CUX2: variants seen among roughly 807,000 people sequenced by gnomAD.
CUX2 encodes the protein cut like homeobox 2.
Under a neutral mutation model 144.8 loss-of-function variants are expected in CUX2, and 40 were observed. The observed-to-expected ratio is 0.28, with a 90% CI of 0.21 to 0.36. The LOEUF (loss-of-function observed/expected upper bound fraction) is 0.36, where lower values mean the gene tolerates loss of function less well. Among genes scored for constraint, CUX2 ranks in the 10% least tolerant of loss-of-function variants. The pLI is 1.00. For synonymous variants in CUX2, 827 were observed against 875.6 expected, an observed-to-expected ratio of 0.94 and a Z score of 0.98; for missense variants, 1,615 against 1,994.0, an observed-to-expected ratio of 0.81 and a Z score of 3.62.
In CUX2 at chr12:111,320,084, C is replaced by T; in HGVS notation, c.2075C>T (p.Ala692Val). The change falls in exon 17 of 22, where the codon GCC becomes GTC. Residue 692 changes from alanine (A) to valine (V), a missense_variant. Ala to Val is a moderately conservative substitution (Grantham distance 64). Coordinates refer to ENST00000261726, the MANE Select transcript of CUX2 (RefSeq NM_015267.4). This position sits in a 1 kb window ranked among gnomAD's most constrained non-coding sequence, Gnocchi z 8.1. ...GTTPASTSED[A>V]IKSILEQARR... The stretch of plus-strand genomic sequence containing the variant: ...ACCCCCGCCAGCACCTCGGAGGACG[C>T]CATCAAGAGCATCCTGGAGCAGGCA... The T allele has an allele frequency of 6.4e-7, 1 of 1,556,472 alleles. No individual in the cohort carries two copies. Among genetic ancestry groups the T allele is most frequent in the Non-Finnish European group, 8.7e-7 (1 of 1,154,608 alleles).
In CUX2 at chr12:111,160,171, A is replaced by G. The variant is rs767994830; in HGVS notation, c.64-54029A>G. Reference sequence around the variant, plus strand: ...AAGAATGTCTCCTGGGACAGGCAGCATAGGACGGGGCTAGGGGGACATTTG... The same window carrying G: ...AAGAATGTCTCCTGGGACAGGCAGCGTAGGACGGGGCTAGGGGGACATTTG... On this transcript the variant is annotated intron_variant, in intron 1 of 21. Transcript: ENST00000261726. The surrounding 1 kb of genome is among the most constrained non-coding windows in gnomAD (Gnocchi z 4.1). Among the ~76,000 whole-genome samples the G allele has an allele frequency of 2.6e-5, 4 of 152,248 alleles. No individual in the cohort carries two copies. Among genetic ancestry groups the G allele is most frequent in the African/African-American group, 4.8e-5 (2 of 41,470 alleles).
intron 3 of CUX2, 138 bp downstream of exon 3, chr12:111,218,075 G>A (rs2136229385): frequency 1.2e-6 from 1 of 800,218 alleles, no homozygotes. Context: ...CAAACTCTGT[G>A]CCCTTCCCTC....
Position 111,310,056 on chromosome 12 carries a change from A to T in CUX2, c.1274A>T (p.Glu425Val), listed in dbSNP as rs1314228651. 4 of 1,354,328 alleles carry T rather than the reference A, an allele frequency of 3.0e-6. No homozygotes were observed. The highest frequency in any genetic ancestry group is 3.8e-6 in the Non-Finnish European group (4 of 1,053,772). The allele number at this position is 1,354,328 out of a possible 1,614,324, so 83.9% of individuals were successfully genotyped here. The change falls in exon 15 of 22, where the codon GAG (glutamate) becomes GTG (valine). Residue 425 changes from glutamate (E) to valine (V), a missense_variant. By Grantham distance (121) the Glu-to-Val change is moderately radical. Coordinates refer to ENST00000261726, the MANE Select transcript of CUX2 (RefSeq NM_015267.4). This position sits in a 1 kb window ranked among gnomAD's most constrained non-coding sequence, Gnocchi z 7.9. ...GGTGTTCTAGAGGAAGACCCATCAGAGGACGATTCCATCAAGGATTCACTG... is the reference window on the plus strand; with the variant it reads ...GGTGTTCTAGAGGAAGACCCATCAGTGGACGATTCCATCAAGGATTCACTG... ...LLASPEEDPS[E>V]DDSIKDSLGT...
intron 1 of CUX2, among the ~76,000 whole-genome samples, chr12:111,213,659 T>C (rs1180437547): frequency 6.6e-6 from 1 of 152,224 alleles, no homozygotes; most frequent in Non-Finnish European, 1.5e-5. Flanking sequence ...CAAAATCTAC[T>C]GAAATTAAAA....
At chr12:111,308,387 G>A (rs754306272) in intron 13 of CUX2, 40 bp from the exon 14 acceptor site, 89 of 1,613,684 alleles carry the variant, frequency 5.5e-5, no homozygotes, top group African/African-American at 8.0e-5. Context: ...TGAGCCTTCC[G>A]CCCACCAGGT....
chr12:111,291,339 C>G, intron 4 of CUX2, 79 bp from the exon 5 acceptor site: 1 of 1,486,812 alleles, frequency 6.7e-7, no homozygotes, highest in Non-Finnish European at 9.0e-7. Context: ...CCTGTGGAAC[C>G]TGCCAGGCCC....
At chr12:111,318,073 G>GTTA (rs1181366122) in intron 16 of CUX2, among the ~76,000 whole-genome samples, 2 of 151,538 alleles carry the variant, frequency 1.3e-5, no homozygotes, top group African/African-American at 4.8e-5. Flanking sequence ...TGTTGTTGTT[G>GTTA]TTATTGTTGT....
chr12:111,124,766 T>C (rs769159632), intron 1 of CUX2, among the ~76,000 whole-genome samples: 2 of 152,184 alleles, frequency 1.3e-5, no homozygotes, highest in Non-Finnish European at 2.9e-5. Flanking sequence ...TACCCAACAG[T>C]TGGTTTTTTG....
intron 4 of CUX2, among the ~76,000 whole-genome samples, 162 bp from the exon 5 acceptor site, chr12:111,291,256 G>A (rs1050506258): frequency 6.6e-6 from 1 of 152,120 alleles, no homozygotes; most frequent in Non-Finnish European, 1.5e-5. Flanking sequence ...CAAGTGCCTG[G>A]ACAAGCCTGC....
At chr12:111,330,275 A>G (rs1888028546) in intron 18 of CUX2, among the ~76,000 whole-genome samples, 2 of 152,050 alleles carry the variant, frequency 1.3e-5, no homozygotes, top group Admixed American at 6.5e-5. Context: ...CTCCATAGGC[A>G]TCTGCCCAGA....
chr12:111,161,882 G>A (rs1877792825), intron 1 of CUX2, among the ~76,000 whole-genome samples: 1 of 152,142 alleles, frequency 6.6e-6, no homozygotes, highest in South Asian at 2.1e-4. Flanking sequence ...CTACAGGCAT[G>A]CGCAAACATA....
At chr12:111,267,531 G>C (rs566390541) in intron 4 of CUX2, among the ~76,000 whole-genome samples, 179 of 152,280 alleles carry the variant, frequency 1.2e-3, no homozygotes, top group African/African-American at 3.8e-3. Context: ...ACTCTGCTCC[G>C]TGTGACAAGC....
rs772567091 is a variant in CUX2 at position 111,341,837 on chromosome 12, C to T, written c.3443C>T (p.Ala1148Val). 15 of 1,613,244 alleles carry T rather than the reference C, an allele frequency of 9.3e-6. No individual in the cohort carries two copies. The highest frequency in any genetic ancestry group is 3.3e-4 in the Middle Eastern group (2 of 6,060). ...ISTGSDSESPATRSECPSPCL... is the reference protein window; with the variant it reads ...ISTGSDSESPVTRSECPSPCL... Reference sequence around the variant, plus strand: ...ACCGGCTCAGACAGTGAGTCCCCGGCCACCCGCTCAGAGTGCCCCAGCCCC... The same window carrying T: ...ACCGGCTCAGACAGTGAGTCCCCGGTCACCCGCTCAGAGTGCCCCAGCCCC... The change falls in exon 21 of 22, where the codon GCC becomes GTC. Residue 1148 changes from alanine (A) to valine (V), a missense_variant. Ala to Val is a moderately conservative substitution (Grantham distance 64, BLOSUM62 0). Transcript: ENST00000261726.
intron 1 of CUX2, among the ~76,000 whole-genome samples, chr12:111,095,595 A>G (rs1271403979): frequency 6.6e-6 from 1 of 152,116 alleles, no homozygotes; most frequent in Non-Finnish European, 1.5e-5. Context: ...GAGGGAAATG[A>G]CTTCACCATT....
chr12:111,217,338 A>G (rs1881598444), intron 2 of CUX2, among the ~76,000 whole-genome samples: 1 of 152,202 alleles, frequency 6.6e-6, no homozygotes, highest in Admixed American at 6.5e-5. Flanking sequence ...CAGTTACACA[A>G]GTGGCATTGC....
At chr12:111,189,373 A>G (rs1240604262) in intron 1 of CUX2, among the ~76,000 whole-genome samples, 1 of 152,136 alleles carries the variant, frequency 6.6e-6, no homozygotes, top group Non-Finnish European at 1.5e-5. Flanking sequence ...CAACATAACC[A>G]TTCTCCTGCC....
At chr12:111,248,045 G>A (rs1030423960) in intron 3 of CUX2, among the ~76,000 whole-genome samples, 1 of 152,120 alleles carries the variant, frequency 6.6e-6, no homozygotes, top group Admixed American at 6.5e-5. Flanking sequence ...ACAGGTGCCC[G>A]CCACCACGCC....
At chr12:111,193,078 GGAAA>G (rs1879997431) in intron 1 of CUX2, among the ~76,000 whole-genome samples, 1 of 152,206 alleles carries the variant, frequency 6.6e-6, no homozygotes, top group Non-Finnish European at 1.5e-5. Context: ...GTTGGGTGAA[GGAAA>G]GAGTGAATGG....
intron 1 of CUX2, among the ~76,000 whole-genome samples, chr12:111,121,370 T>TTTTTTTTTTTTTTTTTTTTTTTTTTTTTG (rs1874665221): frequency 2.2e-4 from 1 of 4,610 alleles, no homozygotes; most frequent in Admixed American, 4.7e-3. Flanking sequence ...TTCTTTTTTC[T>TTTTTTTTTTTTTTTTTTTTTTTTTTTTTG]TTTTTTTTTT....
Sources: gnomAD v4.1 joint callset for allele counts (sites outside exome capture counted in the v4.1 genomes callset) on GRCh38, gnomAD v4.1.1 for gene constraint, Gnocchi (gnomAD v3.1) non-coding constraint, MANE v1.5 for transcripts, NCBI Gene and HGNC (gene_info 2026-07-23, HGNC 2026-07-21) for gene names.